The following MAD1L1 variants were observed in gnomAD, a reference collection of about 807,000 sequenced individuals.
MAD1L1 encodes the protein mitotic spindle assembly checkpoint protein MAD1.
In MAD1L1, 95 loss-of-function variants were observed where a neutral mutation model predicts 96.9. That is an observed-to-expected ratio of 0.98 (90% confidence interval 0.83 to 1.16). MAD1L1 has a LOEUF of 1.16. MAD1L1 is among the 50% of genes most tolerant of loss of function. MAD1L1 has a pLI of 0.00. For synonymous variants in MAD1L1, 473 were observed against 396.6 expected (o/e 1.19, Z -2.29); for missense variants, 1,007 against 954.4 (o/e 1.06, Z -0.73).
intron 17 of MAD1L1, among the ~76,000 whole-genome samples, chr7:1,909,186 C>T (rs748010156): frequency 6.6e-6 from 1 of 152,150 alleles, no homozygotes; most frequent in Non-Finnish European, 1.5e-5. Context: ...CTGACCTCGA[C>T]GAGAGACGAC....
At chr7:1,913,179 T>C (rs932883739) in intron 17 of MAD1L1, among the ~76,000 whole-genome samples, 3 of 152,168 alleles carry the variant, frequency 2.0e-5, no homozygotes, top group Admixed American at 1.3e-4. Context: ...CTCGGATTCC[T>C]ATGTAATGAA....
intron 16 of MAD1L1, among the ~76,000 whole-genome samples, chr7:1,948,379 C>A (rs1358244473): frequency 1.3e-5 from 2 of 152,018 alleles, no homozygotes; most frequent in African/African-American, 2.4e-5. Context: ...TGCCCAGAGG[C>A]TAAGCGAGGG....
chr7:2,152,794 G>A (rs920035605), intron 10 of MAD1L1, among the ~76,000 whole-genome samples: 1 of 152,172 alleles, frequency 6.6e-6, no homozygotes, highest in Admixed American at 6.5e-5. Flanking sequence ...GGATGTGGAA[G>A]GGACAGGGAG....
At chr7:2,108,865 T>C (rs1341033314) in intron 11 of MAD1L1, among the ~76,000 whole-genome samples, 1 of 152,186 alleles carries the variant, frequency 6.6e-6, no homozygotes, top group Non-Finnish European at 1.5e-5. Context: ...GCCGGCCCGA[T>C]CCACGATCAG....
chr7:2,176,092 A>C (rs1471254843), intron 10 of MAD1L1, among the ~76,000 whole-genome samples: 4 of 152,218 alleles, frequency 2.6e-5, no homozygotes, highest in Admixed American at 1.3e-4. Flanking sequence ...TCACACCTGT[A>C]ATCTCAGCAC....
At chr7:2,024,766 G>GA (rs1782929020) in intron 12 of MAD1L1, among the ~76,000 whole-genome samples, 1 of 151,560 alleles carries the variant, frequency 6.6e-6, no homozygotes, top group Admixed American at 6.6e-5. Context: ...GGTTCAGCCA[G>GA]AAAAAAAACA....
At chr7:2,079,759 G>C (rs553510533) in intron 11 of MAD1L1, 4 of 470,746 alleles carry the variant, frequency 8.5e-6, no homozygotes, top group African/African-American at 8.0e-5. Flanking sequence ...AAGCACGGCC[G>C]CAGGGAGACC....
At chr7:2,223,817 T>C (rs534752885) in intron 4 of MAD1L1, among the ~76,000 whole-genome samples, 159 of 149,548 alleles carry the variant, frequency 1.1e-3, no homozygotes, top group Admixed American at 2.0e-3. Flanking sequence ...AGCCAGCAGG[T>C]CTTTGGACTT....
chr7:1,816,178 T>C lies in MAD1L1; in HGVS notation c.2049A>G (p.Ser683=), dbSNP rs746057084. The change falls in exon 19 of 19, where the codon TCA becomes TCG. Residue 683 remains serine, a synonymous_variant. Coordinates refer to ENST00000265854, the MANE Select transcript of MAD1L1 (RefSeq NM_001013836.2). The part of the protein sequence containing the change: ...SKMQLLETEF[S]HTVGELIEVH... ...CCTCGATGAGCTCGCCCACGGTGTG[T>C]GAGAACTCTGTCTCCAGTAGCTGCA... The C allele has an allele frequency of 6.2e-7, 1 of 1,613,332 alleles. No homozygotes were observed. Among genetic ancestry groups the C allele is most frequent in the African/African-American group, 1.3e-5 (1 of 74,878 alleles).
At chr7:2,195,836 C>G (rs1186428206) in intron 10 of MAD1L1, among the ~76,000 whole-genome samples, 2 of 152,260 alleles carry the variant, frequency 1.3e-5, no homozygotes, top group Non-Finnish European at 2.9e-5. Context: ...CTCCAGCAGG[C>G]TGGTAGGTCC....
intron 10 of MAD1L1, among the ~76,000 whole-genome samples, chr7:2,199,423 G>A (rs550189607): frequency 1.3e-5 from 2 of 152,334 alleles, no homozygotes; most frequent in Non-Finnish European, 2.9e-5. Context: ...CTGCCGTCAT[G>A]AAGGGCGCCT....
At chr7:2,102,423 C>T in intron 11 of MAD1L1, among the ~76,000 whole-genome samples, 1 of 150,672 alleles carries the variant, frequency 6.6e-6, no homozygotes, top group African/African-American at 2.4e-5. Flanking sequence ...GTCACCATCA[C>T]CACTGTCACC....
At chr7:1,903,563 G>A (rs11762448) in intron 17 of MAD1L1, among the ~76,000 whole-genome samples, 53,914 of 108,448 alleles carry the variant, frequency 0.5, 10,090 homozygotes, top group South Asian at 0.61. Flanking sequence ...ATTCATGATT[G>A]ATGAAGCACT....
chr7:2,228,666 T>C (rs577058496), intron 3 of MAD1L1, among the ~76,000 whole-genome samples: 3,374 of 151,696 alleles, frequency 0.022, 141 homozygotes, highest in African/African-American at 0.077. Context: ...CACACACATA[T>C]ATATATATAT....
chr7:1,871,233 A>C (rs1384767672), intron 18 of MAD1L1, among the ~76,000 whole-genome samples: 15 of 109,482 alleles, frequency 1.4e-4, no homozygotes, highest in Middle Eastern at 6.5e-3. Context: ...GCTGAACCCA[A>C]CATACGCCTG....
At chr7:1,929,485 G>A (rs1789303520) in intron 17 of MAD1L1, among the ~76,000 whole-genome samples, 1 of 152,144 alleles carries the variant, frequency 6.6e-6, no homozygotes, top group South Asian at 2.1e-4. Flanking sequence ...CCGTGCCGAT[G>A]GCAAGGGTTG....
chr7:2,211,959 C>T (rs933417090), intron 10 of MAD1L1, among the ~76,000 whole-genome samples: 5 of 152,212 alleles, frequency 3.3e-5, no homozygotes, highest in South Asian at 2.1e-4. Flanking sequence ...GAGGCCGCCT[C>T]GGCACCAGCA....
chr7:1,898,772 G>A (rs532134482), intron 17 of MAD1L1, among the ~76,000 whole-genome samples: 27 of 152,294 alleles, frequency 1.8e-4, no homozygotes, highest in Admixed American at 5.2e-4. Flanking sequence ...AGGGTCAGGC[G>A]TGACTCGGGG....
chr7:2,087,173 TG>T (rs1178603309), intron 11 of MAD1L1, among the ~76,000 whole-genome samples: 2 of 151,912 alleles, frequency 1.3e-5, no homozygotes, highest in Non-Finnish European at 2.9e-5. Flanking sequence ...ATGGCTGTGG[TG>T]GGGGATGCTC....
Sources: gnomAD v4.1 joint callset for allele counts (sites outside exome capture counted in the v4.1 genomes callset) on GRCh38, gnomAD v4.1.1 for gene constraint, MANE v1.5 for transcripts, NCBI Gene and HGNC (gene_info 2026-07-23, HGNC 2026-07-21) for gene names.